HS1BP3: variants seen among roughly 807,000 people sequenced by gnomAD.
HS1BP3 encodes HCLS1-binding protein 3.
HS1BP3 carries 32 observed loss-of-function variants against 33.5 expected under a neutral mutation model. That is an observed-to-expected ratio of 0.95 (90% confidence interval 0.72 to 1.28). HS1BP3 has a LOEUF of 1.28. Among genes scored for constraint, HS1BP3 ranks in the 50% most tolerant of loss-of-function variants. The probability of loss-of-function intolerance (pLI) is 0.00; values close to 1 mark genes in which losing one functional copy is unlikely to be tolerated. For synonymous variants in HS1BP3, 187 were observed against 209.2 expected (o/e 0.89, Z 0.92); for missense variants, 486 against 502.3 (o/e 0.97, Z 0.31).
intron 3 of HS1BP3, among the ~76,000 whole-genome samples, chr2:20,597,072 C>T (rs923501145): frequency 2.0e-5 from 3 of 152,178 alleles, no homozygotes; most frequent in Admixed American, 1.3e-4. Flanking sequence ...AGACACAGGC[C>T]GCCACTCCAG....
At chr2:20,647,756 A>G (rs1344420877) in intron 1 of HS1BP3, among the ~76,000 whole-genome samples, 3 of 152,126 alleles carry the variant, frequency 2.0e-5, no homozygotes, top group Admixed American at 6.5e-5. Flanking sequence ...CGGAGAGTAC[A>G]TAAACAAATG....
At chr2:20,595,152 G>A (rs1693915182) in intron 3 of HS1BP3, among the ~76,000 whole-genome samples, 1 of 152,132 alleles carries the variant, frequency 6.6e-6, no homozygotes, top group Non-Finnish European at 1.5e-5. Flanking sequence ...ATGTGACATG[G>A]CCTCAGTTTC....
At position 20,641,173 on chromosome 2, in the gene HS1BP3, T is replaced by C; in HGVS notation, c.206A>G (p.Lys69Arg). The change falls in exon 3 of 7, where the codon AAA (lysine) becomes AGA (arginine). Residue 69 changes from lysine (K) to arginine (R), a missense_variant. Transcript: ENST00000304031. ...PEDVVQFLVS[K>R]KYSEIEEFYQ... Reference sequence around the variant, plus strand: ...AAACTCCTCAATCTCGCTGTACTTTTTGGAGACCTGGAATGAGAGGAGCAT... The same window carrying C: ...AAACTCCTCAATCTCGCTGTACTTTCTGGAGACCTGGAATGAGAGGAGCAT... 1.2e-6 allele frequency: 2 copies of C among 1,604,530 alleles called. No homozygotes were observed. Among genetic ancestry groups the C allele is most frequent in the Non-Finnish European group, 1.7e-6 (2 of 1,179,818 alleles).
downstream of HS1BP3, among the ~76,000 whole-genome samples, chr2:20,617,298 G>C (rs1694449737): frequency 1.3e-5 from 2 of 152,202 alleles, no homozygotes; most frequent in African/African-American, 2.4e-5. Flanking sequence ...GTGCTGGGAA[G>C]GAGGGGCGGG....
intron 4 of HS1BP3, among the ~76,000 whole-genome samples, chr2:20,629,539 G>A (rs752151770): frequency 6.6e-6 from 1 of 152,222 alleles, no homozygotes; most frequent in Non-Finnish European, 1.5e-5. Context: ...AGGTCTGCAG[G>A]GAATAGGACT....
At chr2:20,596,739 G>C (rs1693950917) in intron 3 of HS1BP3, among the ~76,000 whole-genome samples, 2 of 152,148 alleles carry the variant, frequency 1.3e-5, no homozygotes, top group Non-Finnish European at 2.9e-5. Context: ...GCTGTACTCT[G>C]TCCTTCTACC....
chr2:20,560,948 C>T (rs1692978006), intron 5 of HS1BP3, among the ~76,000 whole-genome samples: 1 of 151,992 alleles, frequency 6.6e-6, no homozygotes, highest in Non-Finnish European at 1.5e-5. Flanking sequence ...TGAGAATGAC[C>T]CTGGGGCAAC....
chr2:20,617,241 T>G (rs1402694975), downstream of HS1BP3, among the ~76,000 whole-genome samples: 1 of 152,026 alleles, frequency 6.6e-6, no homozygotes, highest in African/African-American at 2.4e-5. Flanking sequence ...CCACTCCTAC[T>G]GAGACCTTCC....
At position 20,618,971 on chromosome 2, in the gene HS1BP3, G is replaced by A; in HGVS notation, c.*16C>T. 1 of 1,608,278 alleles carries A rather than the reference G, an allele frequency of 6.2e-7. No homozygotes were observed. The highest frequency in any genetic ancestry group is 8.5e-7 in the Non-Finnish European group (1 of 1,176,204). ...CCACAGACAGGCCTGCTGGGCCAGGGGCCAGCATGGAAGGGTCAGAAGAGG... is the reference window on the plus strand; with the variant it reads ...CCACAGACAGGCCTGCTGGGCCAGGAGCCAGCATGGAAGGGTCAGAAGAGG... On this transcript the variant is annotated 3_prime_UTR_variant, in exon 7 of 7. Transcript: ENST00000304031.
At chr2:20,558,836 G>C (rs1328713538), downstream of HS1BP3, among the ~76,000 whole-genome samples, 1 of 152,182 alleles carries the variant, frequency 6.6e-6, no homozygotes, top group East Asian at 1.9e-4. Context: ...CATGACCACA[G>C]AGGGGGTAGG....
chr2:20,625,000 A>G (rs1224947297), intron 4 of HS1BP3, 108 bp from the exon 5 acceptor site: 1 of 1,349,840 alleles, frequency 7.4e-7, no homozygotes, highest in African/African-American at 1.5e-5. Flanking sequence ...GCTGGATGCC[A>G]TGGGCCAGAA....
At chr2:20,609,431 T>C (rs1012464936) in intron 2 of HS1BP3, among the ~76,000 whole-genome samples, 4 of 128,878 alleles carry the variant, frequency 3.1e-5, no homozygotes, top group African/African-American at 1.2e-4. Flanking sequence ...AAAAGGCCTG[T>C]TCTCGTGAGG....
At position 20,619,088 on chromosome 2, in the gene HS1BP3, G is replaced by T. The variant is rs944491265; in HGVS notation, c.1078C>A (p.Gln360Lys). 2.5e-6 allele frequency: 4 copies of T among 1,614,076 alleles called. No individual in the cohort carries two copies. The Admixed American group carries it at 5.0e-5, about 20-fold the overall frequency. The change falls in exon 7 of 7, where the codon CAG becomes AAG. Residue 360 changes from glutamine (Q) to lysine (K), a missense_variant. Physicochemically the swap from Gln to Lys is moderately conservative, Grantham distance 53. Transcript: ENST00000304031. ...GCTTGGATCTGCTCCTGCGGCTTCT[G>T]CTGCCCAGCCACAGCTTCAGCCGGG... Reference protein sequence around the residue: ...AGPAEAVAGQQKPQEQIQAMD... With the variant: ...AGPAEAVAGQKKPQEQIQAMD...
chr2:20,559,859 C>T (rs1692947710), downstream of HS1BP3, among the ~76,000 whole-genome samples: 1 of 152,190 alleles, frequency 6.6e-6, no homozygotes, highest in African/African-American at 2.4e-5. Context: ...TCTGGGCTTC[C>T]CTCACACCTG....
chr2:20,619,256 A>T lies in HS1BP3; in HGVS notation c.921-11T>A. The T allele has an allele frequency of 6.3e-7, 1 of 1,582,728 alleles. No individual in the cohort carries two copies. The highest frequency in any genetic ancestry group is 1.2e-5 in the South Asian group (1 of 85,904). On this transcript the variant is annotated splice_polypyrimidine_tract_variant and intron_variant, in intron 6 of 6. Transcript: ENST00000304031. ...AAGTCCTCTTCAACTCTAGGGAACC[A>T]CAGGGAGGAACCCTGAGCATAACAC...
downstream of HS1BP3, among the ~76,000 whole-genome samples, chr2:20,617,076 C>T (rs888040672): frequency 6.6e-5 from 10 of 152,148 alleles, no homozygotes; most frequent in Admixed American, 2.0e-4. Flanking sequence ...CCACCTACCC[C>T]GCTGTGCCCT....
intron 3 of HS1BP3, among the ~76,000 whole-genome samples, chr2:20,596,999 G>A (rs1317848286): frequency 6.6e-6 from 1 of 152,230 alleles, no homozygotes; most frequent in African/African-American, 2.4e-5. Context: ...TTCCCATTAA[G>A]GCCACATAAA....
rs780428962 is a variant in HS1BP3 at position 20,624,752 on chromosome 2, T to C, written c.764A>G (p.Glu255Gly). The C allele has an allele frequency of 1.9e-6, 3 of 1,606,164 alleles. No homozygotes were observed. Among genetic ancestry groups the C allele is most frequent in the Admixed American group, 1.7e-5 (1 of 58,616 alleles). Reference protein sequence around the residue: ...GRKLSPQDPSEDVSSVDPLKL... With the variant: ...GRKLSPQDPSGDVSSVDPLKL... ...CTTACGGTCCACGGATGACACGTCC[T>C]CCGAGGGGTCCTGTGGAGACAGCTT... is the stretch of plus-strand genomic sequence containing the variant. The change falls in exon 5 of 7, where the codon GAG (glutamate) becomes GGG (glycine). Residue 255 changes from glutamate (E) to glycine (G), a missense_variant. By Grantham distance (98) the Glu-to-Gly change is moderately conservative. Transcript: ENST00000304031.
At chr2:20,617,647 C>A (rs1035917313), downstream of HS1BP3, among the ~76,000 whole-genome samples, 4 of 148,964 alleles carry the variant, frequency 2.7e-5, no homozygotes, top group Non-Finnish European at 6.0e-5. Flanking sequence ...TGGTGTCTAT[C>A]AGAAAAGGGT....
Sources: allele counts gnomAD v4.1 joint callset (sites outside exome capture counted in the v4.1 genomes callset), GRCh38; gene constraint gnomAD v4.1.1; transcripts MANE v1.5; gene names NCBI Gene and HGNC (gene_info 2026-07-23, HGNC 2026-07-21).